Variants in ARID1B observed in about 807,000 individuals in gnomAD.
ARID1B encodes AT-rich interaction domain 1B.
ARID1B carries 30 observed loss-of-function variants against 212.3 expected under a neutral mutation model. The observed-to-expected ratio is 0.14, with a 90% CI of 0.11 to 0.19. The LOEUF (loss-of-function observed/expected upper bound fraction) is 0.19. ARID1B is among the 10% of genes least tolerant of loss of function. The pLI, the probability that ARID1B is intolerant of heterozygous loss-of-function variation, is 1.00. For synonymous variants in ARID1B, 1,402 were observed against 1,301.7 expected, an observed-to-expected ratio of 1.08 and a Z score of -1.66; for missense variants, 2,891 against 3,204.0, an observed-to-expected ratio of 0.90 and a Z score of 2.36.
intron 4 of ARID1B, among the ~76,000 whole-genome samples, chr6:157,025,172 A>G (rs1375994063): frequency 6.6e-6 from 1 of 152,262 alleles, no homozygotes; most frequent in Non-Finnish European, 1.5e-5. Flanking sequence ...AATTATGCAG[A>G]AATGTCTAGA....
Position 156,829,215 on chromosome 6 carries a change from A to C in ARID1B, c.1792-12A>C. The C allele has an allele frequency of 6.3e-7, 1 of 1,591,566 alleles. No individual in the cohort carries two copies. Among genetic ancestry groups the C allele is most frequent in the Non-Finnish European group, 8.6e-7 (1 of 1,166,638 alleles). ...ATGAATTAATAAACCGACTTCTTTT[A>C]TGTCTTCACAGGGCAGCCCAATGGA... On this transcript the variant is annotated splice_polypyrimidine_tract_variant and intron_variant, in intron 1 of 19. Coordinates refer to ENST00000636930, the MANE Select transcript of ARID1B (RefSeq NM_001374828.1).
intron 1 of ARID1B, among the ~76,000 whole-genome samples, chr6:156,791,971 TG>T (rs1780045359): frequency 6.6e-6 from 1 of 152,238 alleles, no homozygotes; most frequent in South Asian, 2.1e-4. Context: ...TAAATACTTT[TG>T]ACATAGTGGA....
intron 1 of ARID1B, among the ~76,000 whole-genome samples, chr6:156,828,512 C>G (rs1039997320): frequency 6.6e-6 from 1 of 152,208 alleles, no homozygotes; most frequent in Non-Finnish European, 1.5e-5. Context: ...TGAGGCTCCA[C>G]GCCTAGCCCT....
intron 8 of ARID1B, among the ~76,000 whole-genome samples, chr6:157,163,596 C>G (rs968096294): frequency 5.9e-5 from 9 of 152,164 alleles, no homozygotes; most frequent in Non-Finnish European, 1.3e-4. Context: ...CACGTGTGGC[C>G]TGTGCTCCTG....
chr6:157,164,329 T>C (rs1791166715), intron 8 of ARID1B, among the ~76,000 whole-genome samples: 4 of 152,248 alleles, frequency 2.6e-5, no homozygotes, highest in Admixed American at 2.0e-4. Flanking sequence ...TGTGCCTTCA[T>C]CATCTTCTGG....
rs551252086 is a variant in ARID1B, at chr6:156,994,353, GTTTTAAAGC to G, written c.2247+58780_2247+58788del. ...GTCTTAATGCAGAAAGCGCTAATGGGTTTTAAAGCTTCCAGCATACTCTCTCAGCAGTTT... is the reference window on the plus strand; with the variant it reads ...GTCTTAATGCAGAAAGCGCTAATGGGTTCCAGCATACTCTCTCAGCAGTTT... On this transcript the variant is annotated intron_variant, in intron 4 of 19. Transcript: ENST00000636930. 2.0e-3 allele frequency among the ~76,000 whole-genome samples: 304 copies of G among 152,156 alleles called. 2 individuals carry two copies. Among genetic ancestry groups the G allele is most frequent in the African/African-American group, 6.9e-3 (286 of 41,486 alleles).
chr6:156,921,486 C>G (rs1790792327), intron 3 of ARID1B, among the ~76,000 whole-genome samples: 1 of 113,240 alleles, frequency 8.8e-6, no homozygotes, highest in South Asian at 3.1e-4. Flanking sequence ...CACACACACA[C>G]ACACACAAAA....
At chr6:157,022,220 G>C (rs887904561) in intron 4 of ARID1B, 7 of 152,418 alleles carry the variant, frequency 4.6e-5, no homozygotes, top group African/African-American at 1.7e-4. Flanking sequence ...CTGGCAGGCC[G>C]CCGCCATTGG....
chr6:156,866,893 C>G (rs1451928526), intron 2 of ARID1B, among the ~76,000 whole-genome samples: 1 of 152,194 alleles, frequency 6.6e-6, no homozygotes. Context: ...GTTGATTTTG[C>G]AAGCATCATG....
chr6:156,990,589 C>T lies in ARID1B; in HGVS notation c.2247+55013C>T, dbSNP rs1778222333. On this transcript the variant is annotated intron_variant, in intron 4 of 19. Coordinates refer to ENST00000636930, the MANE Select transcript of ARID1B (RefSeq NM_001374828.1). Reference sequence around the variant, plus strand: ...GAGGGAGTTGGTGGTTGCAGTGAGCCGAGATCGCACCACTGCACTCCAGCC... The same window carrying T: ...GAGGGAGTTGGTGGTTGCAGTGAGCTGAGATCGCACCACTGCACTCCAGCC... 2.0e-5 allele frequency among the ~76,000 whole-genome samples: 3 copies of T among 152,154 alleles called. 1 individual carries two copies. The South Asian group carries it at 6.2e-4, about 32-fold the overall frequency.
chr6:156,949,084 A>C (rs918417054), intron 4 of ARID1B, among the ~76,000 whole-genome samples: 1 of 152,252 alleles, frequency 6.6e-6, no homozygotes, highest in African/African-American at 2.4e-5. Flanking sequence ...GGAAGAGAAC[A>C]CTGCCTTCCA....
chr6:157,083,753 C>T (rs1784779373), intron 4 of ARID1B, among the ~76,000 whole-genome samples: 1 of 152,184 alleles, frequency 6.6e-6, no homozygotes. Context: ...GGACCCATTT[C>T]TGCCAACATA....
chr6:156,950,823 C>G (rs758430881), intron 4 of ARID1B, among the ~76,000 whole-genome samples: 1 of 152,184 alleles, frequency 6.6e-6, no homozygotes, highest in Non-Finnish European at 1.5e-5. Context: ...CATATCCCTT[C>G]TTAAATCATA....
chr6:156,930,001 G>C (rs1791570256), intron 3 of ARID1B, among the ~76,000 whole-genome samples: 1 of 152,058 alleles, frequency 6.6e-6, no homozygotes. Context: ...TTGACACCTG[G>C]AGTAAGTTTT....
intron 2 of ARID1B, among the ~76,000 whole-genome samples, chr6:156,893,261 A>G (rs569871164): frequency 2.0e-4 from 31 of 152,130 alleles, no homozygotes; most frequent in African/African-American, 6.7e-4. Context: ...CCTGACCTCA[A>G]ATGATCCACT....
chr6:156,885,317 T>A (rs1787417798), intron 2 of ARID1B, among the ~76,000 whole-genome samples: 1 of 152,230 alleles, frequency 6.6e-6, no homozygotes, highest in East Asian at 1.9e-4. Flanking sequence ...AATACATCCA[T>A]GTTGAAGTAT....
intron 2 of ARID1B, among the ~76,000 whole-genome samples, chr6:156,883,510 G>A (rs1367897861): frequency 6.6e-6 from 1 of 152,020 alleles, no homozygotes; most frequent in Non-Finnish European, 1.5e-5. Flanking sequence ...ACTTTTCTGA[G>A]CTTTACTTCC....
At chr6:157,067,429 C>G (rs1033898230) in intron 4 of ARID1B, among the ~76,000 whole-genome samples, 1 of 152,232 alleles carries the variant, frequency 6.6e-6, no homozygotes, top group African/African-American at 2.4e-5. Flanking sequence ...CAGAGTCTCC[C>G]TGCTCCCCTC....
chr6:156,908,979 C>T (rs1305428926), intron 3 of ARID1B, among the ~76,000 whole-genome samples: 1 of 152,124 alleles, frequency 6.6e-6, no homozygotes, highest in East Asian at 1.9e-4. Context: ...AATATTTTCC[C>T]ATGTCTGCTG....
Sources: allele counts gnomAD v4.1 joint callset (sites outside exome capture counted in the v4.1 genomes callset), GRCh38; gene constraint gnomAD v4.1.1; transcripts MANE v1.5; gene names NCBI Gene and HGNC (gene_info 2026-07-23, HGNC 2026-07-21).